The following TMEM245 variants were observed in gnomAD, a reference collection of about 807,000 sequenced individuals.
TMEM245 encodes the protein protein CG-2.
TMEM245 carries 69 observed loss-of-function variants against 101.2 expected under a neutral mutation model. That is an observed-to-expected ratio of 0.68 (90% CI 0.56 to 0.83). TMEM245 has a LOEUF of 0.83. TMEM245 is among the 40% of genes least tolerant of loss of function. TMEM245 has a pLI of 0.00. For missense variants in TMEM245, 1,075 were observed against 1,092.8 expected (o/e 0.98, Z 0.23); for synonymous variants, 537 against 449.8 (o/e 1.19, Z -2.45).
At chr9:109,033,685 T>C (rs1305364454) in intron 16 of TMEM245, among the ~76,000 whole-genome samples, 184 bp from the exon 17 acceptor site, 1 of 142,526 alleles carries the variant, frequency 7.0e-6, no homozygotes, top group Non-Finnish European at 1.6e-5. Context: ...AATATTGAGA[T>C]GCAACAATTG....
At chr9:109,081,633 T>C (rs1377257906) in intron 7 of TMEM245, among the ~76,000 whole-genome samples, 1 of 152,204 alleles carries the variant, frequency 6.6e-6, no homozygotes, top group Non-Finnish European at 1.5e-5. Flanking sequence ...CATTGGTAGA[T>C]AGTCTTTACA....
Position 109,037,610 on chromosome 9 carries a change from T to C in TMEM245, c.2224+407A>G, listed in dbSNP as rs531176806. Among the ~76,000 whole-genome samples the C allele has an allele frequency of 4.3e-4, 66 of 152,308 alleles. 1 individual carries two copies. The highest frequency in any genetic ancestry group is 8.1e-4 in the Non-Finnish European group (55 of 68,028). Reference sequence around the variant, plus strand: ...CCCTCTCTTCCTCCTGCTCCAGCCATGTAAGACATGCCTGCTTCCCCCTTA... The same window carrying C: ...CCCTCTCTTCCTCCTGCTCCAGCCACGTAAGACATGCCTGCTTCCCCCTTA... On this transcript the variant is annotated intron_variant, in intron 15 of 17. Coordinates refer to ENST00000374586, the MANE Select transcript of TMEM245 (RefSeq NM_032012.4).
chr9:109,055,641 T>C (rs902027509), intron 12 of TMEM245, among the ~76,000 whole-genome samples: 1 of 151,124 alleles, frequency 6.6e-6, no homozygotes, highest in Non-Finnish European at 1.5e-5. Flanking sequence ...TTTTTTCTTT[T>C]TTTTTTTTTT....
intron 14 of TMEM245, among the ~76,000 whole-genome samples, chr9:109,045,908 T>C (rs893207111): frequency 6.6e-5 from 10 of 152,248 alleles, no homozygotes; most frequent in African/African-American, 2.4e-4. Context: ...TACATTTTCT[T>C]ACAGCTTTAC....
intron 1 of TMEM245, among the ~76,000 whole-genome samples, chr9:109,119,083 T>TC (rs914140373): frequency 2.0e-5 from 3 of 152,128 alleles, no homozygotes; most frequent in African/African-American, 7.2e-5. Flanking sequence ...CAGGGCACTG[T>TC]CCCCCTAAGA....
chr9:109,080,997 T>C lies in TMEM245; in HGVS notation c.1345-54A>G, dbSNP rs996716894. 6.1e-6 allele frequency: 7 copies of C among 1,139,890 alleles called. No individual in the cohort carries two copies. In the East Asian group the frequency reaches 1.4e-4, roughly 23 times the overall value. The allele number at this position is 1,139,890 out of a possible 1,614,324, so 70.6% of individuals were successfully genotyped here. A position where few individuals can be genotyped will look rare whatever the true frequency, so the allele number is the denominator to read the frequency against. Reference sequence around the variant, plus strand: ...TATCTTTAAAGTAGAACTTTAAAAATACATATACTCAATTGTCATAAAGAC... The same window carrying C: ...TATCTTTAAAGTAGAACTTTAAAAACACATATACTCAATTGTCATAAAGAC... On this transcript the variant is annotated intron_variant, in intron 7 of 17. Coordinates refer to ENST00000374586, the MANE Select transcript of TMEM245 (RefSeq NM_032012.4).
chr9:109,048,777 C>T (rs1460987754), intron 14 of TMEM245, among the ~76,000 whole-genome samples: 2 of 152,166 alleles, frequency 1.3e-5, no homozygotes, highest in Non-Finnish European at 2.9e-5. Context: ...CTGGAAAGAG[C>T]TTATACAGAG....
chr9:109,107,988 C>G (rs567047189), intron 2 of TMEM245, among the ~76,000 whole-genome samples: 4 of 152,320 alleles, frequency 2.6e-5, no homozygotes, highest in African/African-American at 9.6e-5. Context: ...ACAGGACAGT[C>G]CTTCAAATAT....
At chr9:109,068,149 T>C (rs767657882) in intron 9 of TMEM245, among the ~76,000 whole-genome samples, 1 of 151,964 alleles carries the variant, frequency 6.6e-6, no homozygotes, top group Non-Finnish European at 1.5e-5. Context: ...AGGTGGATCA[T>C]GACATCAGGA....
At chr9:109,045,575 T>A (rs1828464794) in intron 14 of TMEM245, among the ~76,000 whole-genome samples, 2 of 152,138 alleles carry the variant, frequency 1.3e-5, no homozygotes, top group African/African-American at 2.4e-5. Context: ...TAATGCTAAC[T>A]AAAAAAATAA....
chr9:109,052,441 C>A (rs543355187), intron 12 of TMEM245, among the ~76,000 whole-genome samples: 13 of 152,192 alleles, frequency 8.5e-5, no homozygotes, highest in Non-Finnish European at 1.8e-4. Flanking sequence ...TGGTGCCCTT[C>A]CCAAAACAGC....
intron 4 of TMEM245, among the ~76,000 whole-genome samples, chr9:109,092,090 G>A (rs1830024184): frequency 6.6e-6 from 1 of 152,158 alleles, no homozygotes; most frequent in Non-Finnish European, 1.5e-5. Context: ...CTTTTACATA[G>A]TTGTAGCATG....
chr9:109,109,314 A>G (rs182756746), intron 1 of TMEM245, among the ~76,000 whole-genome samples: 205 of 152,276 alleles, frequency 1.3e-3, no homozygotes, highest in Middle Eastern at 3.4e-3. Flanking sequence ...ACAGAAACTC[A>G]TATTTTAATA....
At chr9:109,025,113 C>T (rs1827755219) in intron 17 of TMEM245, among the ~76,000 whole-genome samples, 1 of 152,320 alleles carries the variant, frequency 6.6e-6, no homozygotes, top group African/African-American at 2.4e-5. Context: ...TTCCCAGCCC[C>T]AGTTTACTCT....
At chr9:109,024,325 C>G (rs1827729686) in intron 17 of TMEM245, among the ~76,000 whole-genome samples, 1 of 152,216 alleles carries the variant, frequency 6.6e-6, no homozygotes, top group South Asian at 2.1e-4. Context: ...CTAGGATTTA[C>G]TATGTCCCAT....
intron 17 of TMEM245, among the ~76,000 whole-genome samples, chr9:109,030,731 C>T (rs1827920943): frequency 1.3e-5 from 2 of 152,150 alleles, no homozygotes; most frequent in African/African-American, 2.4e-5. Context: ...AGCACCTCTC[C>T]TTTTATTCTT....
intron 8 of TMEM245, 30 bp from the exon 9 acceptor site, chr9:109,073,468 C>A: frequency 6.5e-7 from 1 of 1,531,310 alleles, no homozygotes; most frequent in South Asian, 1.2e-5. Context: ...AGAAAAGAAT[C>A]TCAGTAAAAA....
At chr9:109,064,341 G>T in intron 10 of TMEM245, 136 bp downstream of exon 10, 3 of 712,502 alleles carry the variant, frequency 4.2e-6, no homozygotes, top group Non-Finnish European at 7.0e-6. Flanking sequence ...AGATTTCATT[G>T]TATGTTGCTT....
chr9:109,027,142 C>T (rs923236137), intron 17 of TMEM245, among the ~76,000 whole-genome samples: 1 of 152,116 alleles, frequency 6.6e-6, no homozygotes, highest in Non-Finnish European at 1.5e-5. Context: ...ATTTATTCAG[C>T]GAAATCCCCC....
Sources: gnomAD v4.1 joint callset for allele counts (sites outside exome capture counted in the v4.1 genomes callset) on GRCh38, gnomAD v4.1.1 for gene constraint, MANE v1.5 for transcripts, NCBI Gene and HGNC (gene_info 2026-07-23, HGNC 2026-07-21) for gene names.